The following HADHB variants were observed in gnomAD, a reference collection of about 807,000 sequenced individuals.
HADHB encodes the protein hydroxyacyl-CoA dehydrogenase trifunctional multienzyme complex subunit beta.
A neutral mutation model predicts 61.9 loss-of-function variants in HADHB; 50 were observed. The observed-to-expected ratio is 0.81, with a 90% confidence interval of 0.64 to 1.02. The LOEUF (loss-of-function observed/expected upper bound fraction) is 1.02. Ranked by LOEUF, HADHB falls within the 50% of genes least tolerant of loss-of-function variation. The probability of loss-of-function intolerance (pLI) is 0.00; values close to 1 mark genes in which losing one functional copy is unlikely to be tolerated. For missense variants in HADHB, 504 were observed against 586.5 expected (o/e 0.86, Z 1.45); for synonymous variants, 191 against 201.6 (o/e 0.95, Z 0.45).
intron 3 of HADHB, among the ~76,000 whole-genome samples, chr2:26,259,412 TC>T (rs766627128): frequency 6.6e-6 from 1 of 152,168 alleles, no homozygotes; most frequent in African/African-American, 2.4e-5. Flanking sequence ...CGTTTATTTC[TC>T]CCCTTCCAGG....
At chr2:26,262,117 CACT>C (rs1370325381) in intron 3 of HADHB, among the ~76,000 whole-genome samples, 1 of 152,154 alleles carries the variant, frequency 6.6e-6, no homozygotes, top group East Asian at 1.9e-4. Flanking sequence ...TATTAACTCT[CACT>C]AATATTTCTT....
intron 2 of HADHB, 39 bp from the exon 3 acceptor site, chr2:26,254,391 T>A: frequency 6.5e-7 from 1 of 1,527,546 alleles, no homozygotes; most frequent in Non-Finnish European, 9.1e-7. Context: ...AGATACTGAA[T>A]GGTATTGCTT....
intron 3 of HADHB, 197 bp downstream of exon 3, chr2:26,254,671 T>C: frequency 1.8e-6 from 1 of 541,270 alleles, no homozygotes; most frequent in Non-Finnish European, 3.3e-6. Flanking sequence ...AGGATTAGGC[T>C]TGAGGATGTT....
At chr2:26,285,757 T>TTTTTTTTTTA (rs10673554) in intron 15 of HADHB, among the ~76,000 whole-genome samples, 186 bp downstream of exon 15, 1 of 142,104 alleles carries the variant, frequency 7.0e-6, no homozygotes, top group South Asian at 2.3e-4. Flanking sequence ...TTTTTTTTTT[T>TTTTTTTTTTA]GAGACAGTCT....
chr2:26,270,025 C>G (rs748187003), intron 5 of HADHB, 28 bp downstream of exon 5: 2 of 1,497,522 alleles, frequency 1.3e-6, no homozygotes, highest in South Asian at 2.3e-5. Context: ...CATTTCCGTT[C>G]TTATTTCATT....
chr2:26,284,748 T>C (rs997720623), intron 13 of HADHB, 135 bp from the exon 14 acceptor site: 4 of 721,484 alleles, frequency 5.5e-6, no homozygotes, highest in Non-Finnish European at 1.0e-5. Context: ...ATTACAGATG[T>C]GAGCCACTGT....
At position 26,244,966 on chromosome 2, in the gene HADHB, G is replaced by T. The variant is rs894303617; in HGVS notation, c.-33G>T. 3 of 292,434 alleles carry T rather than the reference G, an allele frequency of 1.0e-5. No homozygotes were observed. Among genetic ancestry groups the T allele is most frequent in the Non-Finnish European group, 2.0e-5 (3 of 146,734 alleles). 18.1% of individuals were successfully genotyped at this position (292,434 alleles called of 1,614,324 possible). A position where few individuals can be genotyped will look rare whatever the true frequency, so the allele number is the denominator to read the frequency against. On this transcript the variant is annotated 5_prime_UTR_variant, in exon 1 of 16. Coordinates refer to ENST00000317799, the MANE Select transcript of HADHB (RefSeq NM_000183.3). ...TTGGACCTGAACCTTGCTCCGAGAGGGAGTCCTCGCGGACGTCAGCCAAGG... is the reference window on the plus strand; with the variant it reads ...TTGGACCTGAACCTTGCTCCGAGAGTGAGTCCTCGCGGACGTCAGCCAAGG...
At chr2:26,286,858 T>G (rs1462170306) in intron 15 of HADHB, among the ~76,000 whole-genome samples, 1 of 150,846 alleles carries the variant, frequency 6.6e-6, no homozygotes, top group Non-Finnish European at 1.5e-5. Flanking sequence ...GATTTTCTCT[T>G]CCTCTAGATT....
intron 10 of HADHB, among the ~76,000 whole-genome samples, chr2:26,282,476 G>A (rs1250022800): frequency 3.3e-5 from 5 of 151,946 alleles, no homozygotes; most frequent in Admixed American, 3.3e-4. Flanking sequence ...TAGCCAGGAT[G>A]GTCTCAATCA....
chr2:26,287,399 A>G (rs1462538805), intron 15 of HADHB, among the ~76,000 whole-genome samples: 1 of 152,172 alleles, frequency 6.6e-6, no homozygotes, highest in African/African-American at 2.4e-5. Context: ...CGATCCCTCT[A>G]TCTCTTCATG....
intron 3 of HADHB, among the ~76,000 whole-genome samples, chr2:26,257,220 A>T (rs1014043216): frequency 6.7e-6 from 1 of 149,924 alleles, no homozygotes; most frequent in Non-Finnish European, 1.5e-5. Flanking sequence ...TCCCAGGTTC[A>T]TGCCATTCTC....
intron 6 of HADHB, among the ~76,000 whole-genome samples, chr2:26,275,653 T>C (rs1672509836): frequency 1.3e-5 from 2 of 152,154 alleles, no homozygotes; most frequent in Admixed American, 1.3e-4. Flanking sequence ...TCCTTTCGGA[T>C]TGGTTTACGT....
At position 26,289,934 on chromosome 2, in the gene HADHB, T is replaced by C; in HGVS notation, c.1406T>C (p.Val469Ala). The C allele has an allele frequency of 1.9e-6, 3 of 1,609,250 alleles. No individual in the cohort carries two copies. The highest frequency in any genetic ancestry group is 1.1e-5 in the South Asian group (1 of 90,988). ...AAGGQGHAMI[V>A]EAYPK Reference sequence around the variant, plus strand: ...TCTTTACAGGGCCATGCTATGATAGTGGAAGCTTATCCAAAATAATAGATC... The same window carrying C: ...TCTTTACAGGGCCATGCTATGATAGCGGAAGCTTATCCAAAATAATAGATC... The change falls in exon 16 of 16, where the codon GTG (valine) becomes GCG (alanine). Residue 469 changes from valine (V) to alanine (A), a missense_variant. Coordinates refer to ENST00000317799, the MANE Select transcript of HADHB (RefSeq NM_000183.3).
chr2:26,245,798 C>T (rs1310084791), intron 1 of HADHB, among the ~76,000 whole-genome samples: 1 of 152,152 alleles, frequency 6.6e-6, no homozygotes, highest in African/African-American at 2.4e-5. Context: ...GTGCTCTGGT[C>T]ACCTTCATAC....
chr2:26,286,316 A>G (rs1022750563), intron 15 of HADHB, among the ~76,000 whole-genome samples: 1 of 152,138 alleles, frequency 6.6e-6, no homozygotes, highest in African/African-American at 2.4e-5. Flanking sequence ...ATCTTTCTAG[A>G]GAACTGAATT....
intron 15 of HADHB, among the ~76,000 whole-genome samples, chr2:26,289,465 C>T: frequency 6.7e-6 from 1 of 148,710 alleles, no homozygotes; most frequent in Non-Finnish European, 1.5e-5. Flanking sequence ...GTTTTCCCCT[C>T]TAGAAACTTA....
intron 3 of HADHB, 76 bp from the exon 4 acceptor site, chr2:26,263,298 TAAAAAA>T: frequency 2.8e-6 from 2 of 701,836 alleles, no homozygotes; most frequent in South Asian, 1.7e-5. Flanking sequence ...GACTCCATCT[TAAAAAA>T]AAAAAAAAAA....
chr2:26,284,065 C>A, intron 12 of HADHB, 52 bp from the exon 13 acceptor site: 2 of 961,182 alleles, frequency 2.1e-6, no homozygotes, highest in Non-Finnish European at 3.4e-6. Flanking sequence ...TATGAAGGAG[C>A]TCTTAGTTTA....
chr2:26,248,998 A>G (rs1224680184), intron 1 of HADHB, among the ~76,000 whole-genome samples: 1 of 151,972 alleles, frequency 6.6e-6, no homozygotes, highest in Non-Finnish European at 1.5e-5. Flanking sequence ...TGGAGGTTGC[A>G]GTGAGCCGAG....
Sources: gnomAD v4.1 joint callset for allele counts (sites outside exome capture counted in the v4.1 genomes callset) on GRCh38, gnomAD v4.1.1 for gene constraint, MANE v1.5 for transcripts, NCBI Gene and HGNC (gene_info 2026-07-23, HGNC 2026-07-21) for gene names.